Variants in EPS8L1 observed in about 807,000 individuals in gnomAD.
EPS8L1 encodes the protein EPS8 signaling adaptor L1.
Under a neutral mutation model 91.7 loss-of-function variants are expected in EPS8L1, and 101 were observed. That is an observed-to-expected ratio of 1.10 (90% CI 0.94 to 1.30). EPS8L1 has a LOEUF of 1.30. Ranked by LOEUF, EPS8L1 falls within the 50% of genes most tolerant of loss-of-function variation. EPS8L1 has a pLI of 0.00. For missense variants in EPS8L1, 1,114 were observed against 1,017.0 expected, an observed-to-expected ratio of 1.10 and a Z score of -1.30; for synonymous variants, 506 against 445.3, an observed-to-expected ratio of 1.14 and a Z score of -1.72.
chr19:55,085,801 TG>T, intron 14 of EPS8L1, 39 bp from the exon 15 acceptor site: 1 of 1,593,668 alleles, frequency 6.3e-7, no homozygotes, highest in Non-Finnish European at 8.6e-7. Context: ...GCAATGGGGC[TG>T]GCTGCCTCCT....
In EPS8L1 at chr19:55,076,403, C is replaced by G. The variant is rs374680581; in HGVS notation, c.-37-5C>G. ...CCAGGCCTTCACATGTTTGCTGGCT[C>G]CCAGGGCACCTCCAGGTGGGCAGGA... On this transcript the variant is annotated splice_region_variant and splice_polypyrimidine_tract_variant and intron_variant, in intron 1 of 19. Transcript: ENST00000201647. 5.6e-5 allele frequency: 90 copies of G among 1,609,838 alleles called. No homozygotes were observed. In the Middle Eastern group the frequency reaches 6.6e-4, roughly 12 times the overall value.
chr19:55,083,608 T>C lies in EPS8L1; in HGVS notation c.1357-8T>C, dbSNP rs1183028129. On this transcript the variant is annotated splice_region_variant and splice_polypyrimidine_tract_variant and intron_variant, in intron 13 of 19. Transcript: ENST00000201647. The surrounding 1 kb of genome is among the most constrained non-coding windows in gnomAD (Gnocchi z 4.7). Reference sequence around the variant, plus strand: ...CCCCGCCTGACCCGACTGTCTTACTTCCTACAGCAAAGCGCCCCCCAGGTC... The same window carrying C: ...CCCCGCCTGACCCGACTGTCTTACTCCCTACAGCAAAGCGCCCCCCAGGTC... 6.3e-7 allele frequency: 1 copy of C among 1,597,100 alleles called. No individual in the cohort carries two copies. Among genetic ancestry groups the C allele is most frequent in the South Asian group, 1.1e-5 (1 of 88,974 alleles).
Position 55,081,263 on chromosome 19 carries a change from C to T in EPS8L1, c.545C>T (p.Ser182Leu). The change falls in exon 8 of 20, where the codon TCG (serine) becomes TTG (leucine). Residue 182 changes from serine (S) to leucine (L), a missense_variant. By Grantham distance (145) the Ser-to-Leu change is moderately radical. Coordinates refer to ENST00000201647, the MANE Select transcript of EPS8L1 (RefSeq NM_133180.3). This position sits in a 1 kb window ranked among gnomAD's most constrained non-coding sequence, Gnocchi z 4.9. Reference sequence around the variant, plus strand: ...CAGGAGGAGTTGCAGCGCGACCGCTCGCCCGCCGCTGAGACCCCGCCCCTG... The same window carrying T: ...CAGGAGGAGTTGCAGCGCGACCGCTTGCCCGCCGCTGAGACCCCGCCCCTG... ...ATQEELQRDR[S>L]PAAETPPLQR... 1.3e-6 allele frequency: 2 copies of T among 1,506,744 alleles called. No individual in the cohort carries two copies. Among genetic ancestry groups the T allele is most frequent in the South Asian group, 2.5e-5 (2 of 78,956 alleles). 93.3% of individuals were successfully genotyped at this position (1,506,744 alleles called of 1,614,324 possible). A position where few individuals can be genotyped will look rare whatever the true frequency, so the allele number is the denominator to read the frequency against.
rs1308013365 is a variant in EPS8L1, at chr19:55,086,128, A to G, written c.1586A>G (p.Tyr529Cys). The G allele has an allele frequency of 6.2e-7, 1 of 1,607,714 alleles. No individual in the cohort carries two copies. Among genetic ancestry groups the G allele is most frequent in the East Asian group, 2.2e-5 (1 of 44,780 alleles). The change falls in exon 16 of 20, where the codon TAC (tyrosine) becomes TGC (cysteine). Residue 529 changes from tyrosine to cysteine, a missense_variant. By Grantham distance (194) the Tyr-to-Cys change is radical (BLOSUM62 -2). Transcript: ENST00000201647. ...GCGGGGCAGGAGGGATATGTGCCCT[A>G]CAACATCCTGACACCCTACCCCGGA... Reference protein sequence around the residue: ...DPAGQEGYVPYNILTPYPGPR... With the variant: ...DPAGQEGYVPCNILTPYPGPR...
At chr19:55,082,218 C>G in intron 10 of EPS8L1, 38 bp downstream of exon 10, 1 of 1,593,092 alleles carries the variant, frequency 6.3e-7, no homozygotes. Flanking sequence ...GGCGCGGGCA[C>G]GACGAACCTG....
rs759019246 is a variant in EPS8L1, at chr19:55,080,588, T to C, written c.430-184T>C. 21 of 1,602,398 alleles carry C rather than the reference T, an allele frequency of 1.3e-5. No individual in the cohort carries two copies. The South Asian group carries it at 2.3e-4, about 18-fold the overall frequency. ...GACTGGGTCTCCATGGGCGGGGTCG[T>C]GGCTTAGGGCAGGGACAGGTGTAGG... On this transcript the variant is annotated intron_variant, in intron 6 of 19. Transcript: ENST00000201647.
chr19:55,086,797 C>T lies in EPS8L1; in HGVS notation c.1861C>T (p.Pro621Ser). 1 of 1,601,256 alleles carries T rather than the reference C, an allele frequency of 6.2e-7. No individual in the cohort carries two copies. Among genetic ancestry groups the T allele is most frequent in the Non-Finnish European group, 8.5e-7 (1 of 1,174,854 alleles). ...CCGCTCGGGACCGAGCCGCGCAGTC[C>T]CAGGGCCCCGCGCCCCGGAACCGCA... ...QGRSGPSRAV[P>S]GPRAPEPQLS... Residue 621 changes from proline (P) to serine (S), a missense_variant, in exon 18 of 20, where the codon CCA becomes TCA. Pro to Ser is a moderately conservative substitution (Grantham distance 74). Coordinates refer to ENST00000201647, the MANE Select transcript of EPS8L1 (RefSeq NM_133180.3).
chr19:55,078,103 A>C lies in EPS8L1; in HGVS notation c.33A>C (p.Pro11=). ...TCTTCACCAGCCCAGAAGCTGCCCC[A>C]AAGCCAAGCGCCAAGTCTATCTATG... The part of the protein sequence containing the change: MSTATGPEAA[P]KPSAKSIYEQ... The change falls in exon 3 of 20, where the codon CCA becomes CCC. Residue 11 remains proline (P), a synonymous_variant. Transcript: ENST00000201647. 1 of 1,613,770 alleles carries C rather than the reference A, an allele frequency of 6.2e-7. No individual in the cohort carries two copies. Among genetic ancestry groups the C allele is most frequent in the Non-Finnish European group, 8.5e-7 (1 of 1,179,900 alleles).
Position 55,079,719 on chromosome 19 carries a change from C to T in EPS8L1, c.147C>T (p.Asp49=), listed in dbSNP as rs1193543908. 7 of 1,613,976 alleles carry T rather than the reference C, an allele frequency of 4.3e-6. No homozygotes were observed. The highest frequency in any genetic ancestry group is 2.2e-5 in the East Asian group (1 of 44,890). Residue 49 remains aspartate (D), a synonymous_variant, in exon 5 of 20, where the codon GAC becomes GAT. Transcript: ENST00000201647. ...NHLVTFCLGE[D]DGVHTVEDAS... ...TGGTGACGTTCTGCCTGGGTGAGGA[C>T]GATGGCGTGCATACCGTGGAGGATG...
chr19:55,085,461 G>A (rs1396310124), intron 14 of EPS8L1, among the ~76,000 whole-genome samples: 1 of 152,158 alleles, frequency 6.6e-6, no homozygotes, highest in Non-Finnish European at 1.5e-5. Context: ...CACCGCGCCC[G>A]GCCTAGCTAG....
chr19:55,080,602 G>A (rs544293798), intron 6 of EPS8L1, 170 bp from the exon 7 acceptor site: 3 of 1,595,018 alleles, frequency 1.9e-6, no homozygotes, highest in East Asian at 4.5e-5. Context: ...TTAGGGCAGG[G>A]ACAGGTGTAG....
rs755141197 is a variant in EPS8L1, at chr19:55,080,817, C to T, written c.475C>T (p.Arg159Cys). Residue 159 changes from arginine to cysteine, a missense_variant, in exon 7 of 20, where the codon CGC becomes TGC. Coordinates refer to ENST00000201647, the MANE Select transcript of EPS8L1 (RefSeq NM_133180.3). ...EDIQGALHNY[R>C]SGRGERRAAA... The stretch of plus-strand genomic sequence containing the variant: ...CATCCAGGGGGCTCTGCACAATTAC[C>T]GCTCGGGCCGCGGGGAGCGCAGGGC... 9 of 1,611,604 alleles carry T rather than the reference C, an allele frequency of 5.6e-6. No individual in the cohort carries two copies. Among genetic ancestry groups the T allele is most frequent in the Non-Finnish European group, 6.8e-6 (8 of 1,178,878 alleles).
Position 55,081,553 on chromosome 19 carries a change from G to C in EPS8L1, c.774+61G>C. On this transcript the variant is annotated intron_variant, in intron 8 of 19. Coordinates refer to ENST00000201647, the MANE Select transcript of EPS8L1 (RefSeq NM_133180.3). This position sits in a 1 kb window ranked among gnomAD's most constrained non-coding sequence, Gnocchi z 4.9. Reference sequence around the variant, plus strand: ...AGGCGACTGGAGGCGGGGCTAGGGCGTGGAAGGGCGGGGCCGGCTGCGGGA... The same window carrying C: ...AGGCGACTGGAGGCGGGGCTAGGGCCTGGAAGGGCGGGGCCGGCTGCGGGA... 1.3e-6 allele frequency: 2 copies of C among 1,489,664 alleles called. No individual in the cohort carries two copies. Among genetic ancestry groups the C allele is most frequent in the Non-Finnish European group, 1.8e-6 (2 of 1,121,804 alleles). The allele number at this position is 1,489,664 out of a possible 1,614,324, so 92.3% of individuals were successfully genotyped here.
At position 55,080,755 on chromosome 19, in the gene EPS8L1, G is replaced by A; in HGVS notation, c.430-17G>A. 1.2e-6 allele frequency: 2 copies of A among 1,610,616 alleles called. No individual in the cohort carries two copies. On this transcript the variant is annotated splice_polypyrimidine_tract_variant and intron_variant, in intron 6 of 19. Coordinates refer to ENST00000201647, the MANE Select transcript of EPS8L1 (RefSeq NM_133180.3). ...GGTGCGGCGTGGGGAGGCGTGGCCT[G>A]ACGGTGTGATTGGCAGGCGGAGCTG... is the stretch of plus-strand genomic sequence containing the variant.
chr19:55,078,979 TTC>T lies in EPS8L1; in HGVS notation c.59-16_59-15del. On this transcript the variant is annotated intron_variant, in intron 3 of 19. Coordinates refer to ENST00000201647, the MANE Select transcript of EPS8L1 (RefSeq NM_133180.3). ...GGCTGGGCCTGGACTCCCAGGCTCATTCTCTTTCTCCCCTGGCAGAGCAGAGG... is the reference window on the plus strand; with the variant it reads ...GGCTGGGCCTGGACTCCCAGGCTCATTCTTTCTCCCCTGGCAGAGCAGAGG... 6.2e-7 allele frequency: 1 copy of T among 1,613,344 alleles called. No individual in the cohort carries two copies. Among genetic ancestry groups the T allele is most frequent in the Non-Finnish European group, 8.5e-7 (1 of 1,179,818 alleles).
At chr19:55,077,670 C>G (rs1171249886) in intron 2 of EPS8L1, among the ~76,000 whole-genome samples, 1 of 138,472 alleles carries the variant, frequency 7.2e-6, no homozygotes, top group Non-Finnish European at 1.5e-5. Context: ...CTCACTGCAA[C>G]CTCCGCCTCC....
In EPS8L1 at chr19:55,083,974, T is replaced by C. The variant is rs2076328765; in HGVS notation, c.1385+330T>C. Reference sequence around the variant, plus strand: ...AAAGGCTGGAAGAAGCCAGTTTGTTTTCCCAGGGCCTGGGAAGCACCATGC... The same window carrying C: ...AAAGGCTGGAAGAAGCCAGTTTGTTCTCCCAGGGCCTGGGAAGCACCATGC... On this transcript the variant is annotated intron_variant, in intron 14 of 19. Coordinates refer to ENST00000201647, the MANE Select transcript of EPS8L1 (RefSeq NM_133180.3). This position sits in a 1 kb window ranked among gnomAD's most constrained non-coding sequence, Gnocchi z 4.7. 8.9e-6 allele frequency: 5 copies of C among 564,634 alleles called. No homozygotes were observed. The South Asian group carries it at 1.0e-4, about 11-fold the overall frequency. 35.0% of individuals were successfully genotyped at this position (564,634 alleles called of 1,614,324 possible). A position where few individuals can be genotyped will look rare whatever the true frequency, so the allele number is the denominator to read the frequency against.
In EPS8L1 at chr19:55,087,845, C is replaced by G; in HGVS notation, c.*231C>G. 2 of 530,688 alleles carry G rather than the reference C, an allele frequency of 3.8e-6. No homozygotes were observed. Among genetic ancestry groups the G allele is most frequent in the South Asian group, 2.1e-5 (1 of 47,434 alleles). 32.9% of individuals were successfully genotyped at this position (530,688 alleles called of 1,614,324 possible). A position where few individuals can be genotyped will look rare whatever the true frequency, so the allele number is the denominator to read the frequency against. On this transcript the variant is annotated 3_prime_UTR_variant, in exon 20 of 20. Transcript: ENST00000201647. The stretch of plus-strand genomic sequence containing the variant: ...GGAGACAGTCTACGGAAAGCGCTAG[C>G]AGACCCCCGAGAGGGTGCAGTGGAG...
At chr19:55,078,292 GGGGGGCTGGACTCCTAGGTTT>G (rs1231632897) in intron 3 of EPS8L1, among the ~76,000 whole-genome samples, 164 bp downstream of exon 3, 28 of 113,000 alleles carry the variant, frequency 2.5e-4, no homozygotes, top group African/African-American at 1.0e-3. Flanking sequence ...AAGAGGGGCT[GGGGGGCTGGACTCCTAGGTTT>G]GAGGGAGGAG....
Sources: gnomAD v4.1 joint callset for allele counts (sites outside exome capture counted in the v4.1 genomes callset) on GRCh38, gnomAD v4.1.1 for gene constraint, Gnocchi (gnomAD v3.1) non-coding constraint, MANE v1.5 for transcripts, NCBI Gene and HGNC (gene_info 2026-07-23, HGNC 2026-07-21) for gene names.